The following DRC11 variants were observed in gnomAD, a reference collection of about 807,000 sequenced individuals.
The protein encoded by DRC11 is dynein regulatory complex subunit 11, also known as IQ and AAA domain-containing protein 1.
At chr2:236,357,113 CTA>C in the DRC11 span, among the ~76,000 whole-genome samples, 139 of 88,556 alleles carry the variant, frequency 1.6e-3, 6 homozygotes, top group Non-Finnish European at 1.9e-3. Context: ...TATTATATAT[CTA>C]TATATTATAT....
At chr2:236,377,043 G>T in the DRC11 span, 1 of 1,144,780 alleles carries the variant, frequency 8.7e-7, no homozygotes, top group Non-Finnish European at 1.3e-6. The surrounding 1 kb of genome is among the most constrained non-coding windows in gnomAD (Gnocchi z 4.9). Flanking sequence ...CGGCTGCTGG[G>T]ATTTCAAAAC....
the DRC11 span, among the ~76,000 whole-genome samples, chr2:236,453,886 C>T: frequency 6.6e-6 from 1 of 152,176 alleles, no homozygotes; most frequent in East Asian, 1.9e-4. The surrounding 1 kb of genome is among the most constrained non-coding windows in gnomAD (Gnocchi z 4.9). Flanking sequence ...AGGTGATCCA[C>T]CCGTCTTGGC....
chr2:236,450,314 C>CTTTTTTTTTTTTT, the DRC11 span, among the ~76,000 whole-genome samples: 2 of 82,378 alleles, frequency 2.4e-5, no homozygotes, highest in Admixed American at 1.5e-4. Context: ...CTTTTCTTTT[C>CTTTTTTTTTTTTT]TTTTTTTTTT....
the DRC11 span, among the ~76,000 whole-genome samples, chr2:236,353,063 T>C: frequency 1.3e-5 from 2 of 152,234 alleles, no homozygotes; most frequent in Non-Finnish European, 2.9e-5. This position sits in a 1 kb window ranked among gnomAD's most constrained non-coding sequence, Gnocchi z 5.0. Flanking sequence ...AGTAAAAAAC[T>C]CTCTGCCAAT....
At chr2:236,382,444 C>G in the DRC11 span, among the ~76,000 whole-genome samples, 2 of 152,236 alleles carry the variant, frequency 1.3e-5, no homozygotes, top group South Asian at 4.1e-4. Context: ...ATTACCTTTC[C>G]ATAAAAATTT....
At chr2:236,335,245 G>T in the DRC11 span, among the ~76,000 whole-genome samples, 1 of 152,150 alleles carries the variant, frequency 6.6e-6, no homozygotes, top group African/African-American at 2.4e-5. This position sits in a 1 kb window ranked among gnomAD's most constrained non-coding sequence, Gnocchi z 5.6. Context: ...TACTACTTTT[G>T]ATAGCTGCAA....
the DRC11 span, among the ~76,000 whole-genome samples, chr2:236,337,948 G>A: frequency 6.6e-6 from 1 of 152,290 alleles, no homozygotes; most frequent in East Asian, 1.9e-4. The surrounding 1 kb of genome is among the most constrained non-coding windows in gnomAD (Gnocchi z 4.9). Flanking sequence ...GTCACTGTCA[G>A]GGCCAGAAAT....
the DRC11 span, among the ~76,000 whole-genome samples, chr2:236,352,646 C>T: frequency 3.3e-5 from 5 of 152,126 alleles, no homozygotes; most frequent in South Asian, 2.1e-4. The surrounding 1 kb of genome is among the most constrained non-coding windows in gnomAD (Gnocchi z 7.0). Context: ...TAGAATCAAC[C>T]GTTGAACACT....
the DRC11 span, among the ~76,000 whole-genome samples, chr2:236,372,029 T>C: frequency 2.0e-5 from 3 of 152,232 alleles, no homozygotes; most frequent in African/African-American, 4.8e-5. This position sits in a 1 kb window ranked among gnomAD's most constrained non-coding sequence, Gnocchi z 4.5. Context: ...TCTTTCGTTA[T>C]GTGGTTTTAA....
the DRC11 span, among the ~76,000 whole-genome samples, chr2:236,309,506 T>G: frequency 6.6e-6 from 1 of 151,912 alleles, no homozygotes; most frequent in Non-Finnish European, 1.5e-5. This position sits in a 1 kb window ranked among gnomAD's most constrained non-coding sequence, Gnocchi z 5.7. Flanking sequence ...CAGGAGGAGG[T>G]GTGGAGGCCC....
the DRC11 span, among the ~76,000 whole-genome samples, chr2:236,319,897 C>T: frequency 1.3e-5 from 2 of 152,204 alleles, no homozygotes; most frequent in African/African-American, 4.8e-5. The surrounding 1 kb of genome is among the most constrained non-coding windows in gnomAD (Gnocchi z 6.7). Context: ...AGGGTTTCCT[C>T]TTCCTCATGT....
At chr2:236,458,914 G>A in the DRC11 span, among the ~76,000 whole-genome samples, 15 of 152,032 alleles carry the variant, frequency 9.9e-5, no homozygotes, top group South Asian at 4.1e-4. Context: ...GCATGGTGGC[G>A]GGTGCCTGTA....
chr2:236,349,216 A>T, the DRC11 span, among the ~76,000 whole-genome samples: 20 of 152,178 alleles, frequency 1.3e-4, no homozygotes, highest in South Asian at 2.5e-3. This position sits in a 1 kb window ranked among gnomAD's most constrained non-coding sequence, Gnocchi z 5.5. Context: ...ACTGCTGCCA[A>T]GGGATGGAGC....
At chr2:236,504,366 G>A in the DRC11 span, among the ~76,000 whole-genome samples, 2 of 152,206 alleles carry the variant, frequency 1.3e-5, no homozygotes, top group Non-Finnish European at 2.9e-5. This position sits in a 1 kb window ranked among gnomAD's most constrained non-coding sequence, Gnocchi z 5.0. Flanking sequence ...CACTTGGGTT[G>A]TTTCCGCCTT....
the DRC11 span, among the ~76,000 whole-genome samples, chr2:236,337,711 G>A: frequency 1.3e-5 from 2 of 151,924 alleles, no homozygotes; most frequent in African/African-American, 2.4e-5. The surrounding 1 kb of genome is among the most constrained non-coding windows in gnomAD (Gnocchi z 4.9). Flanking sequence ...AGTGGATTTT[G>A]AATCTATTTA....
At chr2:236,489,274 A>G in the DRC11 span, among the ~76,000 whole-genome samples, 118 of 52,236 alleles carry the variant, frequency 2.3e-3, no homozygotes, top group Admixed American at 4.2e-3. Context: ...CTGGGTGCAT[A>G]CTGGGGCCTG....
the DRC11 span, among the ~76,000 whole-genome samples, chr2:236,403,677 C>T: frequency 6.6e-6 from 1 of 152,106 alleles, no homozygotes; most frequent in Non-Finnish European, 1.5e-5. Context: ...ATTTTATTTG[C>T]TTTTCATTTC....
At chr2:236,363,631 C>T in the DRC11 span, 75 of 667,416 alleles carry the variant, frequency 1.1e-4, 1 homozygote, top group Middle Eastern at 1.0e-3. The surrounding 1 kb of genome is among the most constrained non-coding windows in gnomAD (Gnocchi z 5.6). Flanking sequence ...TGTGTTTGGC[C>T]ATACGCAATA....
chr2:236,320,118 A>C, the DRC11 span, among the ~76,000 whole-genome samples: 1 of 152,350 alleles, frequency 6.6e-6, no homozygotes, highest in East Asian at 1.9e-4. Context: ...CAGAATTGTT[A>C]GGGGACCCTG....
Sources: gnomAD v4.1 joint callset for allele counts (sites outside exome capture counted in the v4.1 genomes callset) on GRCh38, gnomAD v4.1.1 for gene constraint, Gnocchi (gnomAD v3.1) non-coding constraint, MANE v1.5 for transcripts, NCBI Gene and HGNC (gene_info 2026-07-23, HGNC 2026-07-21) for gene names.